Variants in TAF2 observed in about 807,000 individuals in gnomAD.
TAF2 encodes the protein TATA-box binding protein associated factor 2.
TAF2 carries 61 observed loss-of-function variants against 138.5 expected under a neutral mutation model. The ratio of observed to expected loss-of-function variants is 0.44; its 90% confidence interval spans 0.36 to 0.54. The LOEUF (loss-of-function observed/expected upper bound fraction) is 0.54, where lower values mean the gene tolerates loss of function less well. Among genes scored for constraint, TAF2 ranks in the 20% least tolerant of loss-of-function variants. TAF2 has a pLI of 0.00. For missense variants in TAF2, 1,090 were observed against 1,427.9 expected, an observed-to-expected ratio of 0.76 and a Z score of 3.81; for synonymous variants, 475 against 469.9, an observed-to-expected ratio of 1.01 and a Z score of -0.14.
chr8:119,800,679 C>T (rs1466923769), intron 6 of TAF2, among the ~76,000 whole-genome samples: 1 of 152,090 alleles, frequency 6.6e-6, no homozygotes, highest in Non-Finnish European at 1.5e-5. Flanking sequence ...GTAAGCAAAA[C>T]CAACACAAAA....
At chr8:119,788,717 C>A in intron 13 of TAF2, 73 bp downstream of exon 13, 1 of 1,055,400 alleles carries the variant, frequency 9.5e-7, no homozygotes, top group South Asian at 1.2e-5. Context: ...TAAGTAGTAA[C>A]CCATCCCTAA....
Position 119,731,574 on chromosome 8 carries a change from A to C in TAF2, c.*350T>G. 3.4e-6 allele frequency: 1 copy of C among 298,166 alleles called. No homozygotes were observed. The allele number at this position is 298,166 out of a possible 1,614,324, so 18.5% of individuals were successfully genotyped here. On this transcript the variant is annotated 3_prime_UTR_variant, in exon 26 of 26. Transcript: ENST00000378164. ...TAACTTTGCCCCATAACATCCACCAAAGGCTTTCAAACATAATTGACTTTG... is the reference window on the plus strand; with the variant it reads ...TAACTTTGCCCCATAACATCCACCACAGGCTTTCAAACATAATTGACTTTG...
chr8:119,813,006 C>T (rs1224322759), intron 3 of TAF2, among the ~76,000 whole-genome samples: 3 of 152,172 alleles, frequency 2.0e-5, no homozygotes, highest in African/African-American at 7.2e-5. Flanking sequence ...TCTACTTGAA[C>T]TCTCCATACT....
At chr8:119,764,301 A>ACG (rs1159560728) in intron 18 of TAF2, among the ~76,000 whole-genome samples, 1 of 152,228 alleles carries the variant, frequency 6.6e-6, no homozygotes, top group African/African-American at 2.4e-5. Context: ...ATTTGCATTT[A>ACG]CGCTATCCTT....
At chr8:119,762,005 G>A (rs1236468738) in intron 19 of TAF2, among the ~76,000 whole-genome samples, 1 of 151,824 alleles carries the variant, frequency 6.6e-6, no homozygotes, top group Non-Finnish European at 1.5e-5. Flanking sequence ...TCTTAAATTG[G>A]CAGAACTGCA....
At chr8:119,796,146 TCATCCATCTATCCATCTACCCACTC>T (rs1296575753) in intron 8 of TAF2, among the ~76,000 whole-genome samples, 2 of 151,964 alleles carry the variant, frequency 1.3e-5, no homozygotes, top group Non-Finnish European at 2.9e-5. Flanking sequence ...ATTTGTATAC[TCATCCATCTATCCATCTACCCACTC>T]CATCCATCCA....
At chr8:119,780,388 G>A (rs1446886046) in intron 17 of TAF2, among the ~76,000 whole-genome samples, 1 of 152,148 alleles carries the variant, frequency 6.6e-6, no homozygotes, top group Non-Finnish European at 1.5e-5. Context: ...TTATGCATGT[G>A]CAAACTGCTA....
intron 3 of TAF2, among the ~76,000 whole-genome samples, chr8:119,810,682 T>A (rs1204258754): frequency 1.3e-5 from 2 of 152,210 alleles, no homozygotes; most frequent in Non-Finnish European, 2.9e-5. Flanking sequence ...AAGGACTATT[T>A]TATCTATAGA....
chr8:119,819,338 T>C lies in TAF2; in HGVS notation c.299+8A>G. The C allele has an allele frequency of 4.3e-6, 7 of 1,612,300 alleles. No individual in the cohort carries two copies. The highest frequency in any genetic ancestry group is 5.9e-6 in the Non-Finnish European group (7 of 1,179,440). ...TAAAAATAGTGACTTTTAAAGTGCA[T>C]AACTTACTGTTTTGATTCACTGTGA... On this transcript the variant is annotated splice_region_variant and intron_variant, in intron 3 of 25. Transcript: ENST00000378164.
chr8:119,764,094 C>T (rs753605908), intron 18 of TAF2, among the ~76,000 whole-genome samples: 2 of 151,210 alleles, frequency 1.3e-5, no homozygotes, highest in African/African-American at 2.4e-5. Flanking sequence ...TGCAGTGAGC[C>T]GAGATTGTGC....
chr8:119,829,998 A>G lies in TAF2; in HGVS notation c.138+1679T>C, dbSNP rs551168732. 5.3e-5 allele frequency among the ~76,000 whole-genome samples: 8 copies of G among 151,422 alleles called. No homozygotes were observed. In the South Asian group the frequency reaches 1.7e-3, roughly 32 times the overall value. On this transcript the variant is annotated intron_variant, in intron 2 of 25. Coordinates refer to ENST00000378164, the MANE Select transcript of TAF2 (RefSeq NM_003184.4). ...CCCTGCAAGTTCGCCTCCCAGGTTC[A>G]TGCCATTCTCCTGCCTCAGCCTCCC...
chr8:119,793,528 A>T lies in TAF2; in HGVS notation c.1192-77T>A, dbSNP rs911156024. On this transcript the variant is annotated intron_variant, in intron 9 of 25. Coordinates refer to ENST00000378164, the MANE Select transcript of TAF2 (RefSeq NM_003184.4). ...TTTACATACCAAATTTTAGAATTAAACTGTGAATTCTCATTTCCTAAAATC... is the reference window on the plus strand; with the variant it reads ...TTTACATACCAAATTTTAGAATTAATCTGTGAATTCTCATTTCCTAAAATC... The T allele has an allele frequency of 1.7e-5, 17 of 997,770 alleles. 1 individual carries two copies. In the South Asian group the frequency reaches 2.4e-4, roughly 14 times the overall value. 61.8% of individuals were successfully genotyped at this position (997,770 alleles called of 1,614,324 possible). A position where few individuals can be genotyped will look rare whatever the true frequency, so the allele number is the denominator to read the frequency against.
intron 3 of TAF2, among the ~76,000 whole-genome samples, chr8:119,818,038 T>G (rs1825587575): frequency 6.6e-6 from 1 of 152,260 alleles, no homozygotes; most frequent in Admixed American, 6.5e-5. Flanking sequence ...ATTTTTCCAA[T>G]CCCATTTGTG....
chr8:119,831,520 T>C (rs933445627), intron 2 of TAF2, among the ~76,000 whole-genome samples, 157 bp downstream of exon 2: 5 of 152,148 alleles, frequency 3.3e-5, no homozygotes, highest in Admixed American at 1.3e-4. Context: ...AGAAGGACCA[T>C]GGAACTTGTA....
intron 15 of TAF2, 100 bp downstream of exon 15, chr8:119,785,101 C>T (rs1442443342): frequency 2.3e-6 from 2 of 883,684 alleles, no homozygotes; most frequent in African/African-American, 3.4e-5. Flanking sequence ...TTAAAGCACT[C>T]ATTTGGAGGA....
Position 119,778,827 on chromosome 8 carries a change from T to C in TAF2, c.2254-698A>G, listed in dbSNP as rs1004354443. Among the ~76,000 whole-genome samples, 5 of 152,302 alleles carry C rather than the reference T, an allele frequency of 3.3e-5. No individual in the cohort carries two copies. In the South Asian group the frequency reaches 6.2e-4, roughly 19 times the overall value. ...GACTTACACACACTGGTTAACTCTA[T>C]CAGTAAAACAAAGCTAATTAAATGC... On this transcript the variant is annotated intron_variant, in intron 17 of 25. Transcript: ENST00000378164.
chr8:119,798,470 C>G (rs763153535), intron 6 of TAF2, among the ~76,000 whole-genome samples: 3 of 152,234 alleles, frequency 2.0e-5, no homozygotes, highest in Non-Finnish European at 4.4e-5. Context: ...TGAGTGCCAT[C>G]AACAATGACA....
intron 3 of TAF2, among the ~76,000 whole-genome samples, chr8:119,808,871 T>C (rs886483659): frequency 6.6e-6 from 1 of 152,174 alleles, no homozygotes; most frequent in Admixed American, 6.5e-5. Flanking sequence ...TGAACACCTG[T>C]TGTCATCCAG....
At chr8:119,755,328 C>A (rs1376901540) in intron 22 of TAF2, among the ~76,000 whole-genome samples, 1 of 152,070 alleles carries the variant, frequency 6.6e-6, no homozygotes, top group Non-Finnish European at 1.5e-5. Flanking sequence ...GAAACTCTGT[C>A]TCTACTAAAA....
Sources: gnomAD v4.1 joint callset for allele counts (sites outside exome capture counted in the v4.1 genomes callset) on GRCh38, gnomAD v4.1.1 for gene constraint, MANE v1.5 for transcripts, NCBI Gene and HGNC (gene_info 2026-07-23, HGNC 2026-07-21) for gene names.